TNRC6B: variants seen among roughly 807,000 people sequenced by gnomAD.
The protein encoded by TNRC6B is trinucleotide repeat-containing gene 6B protein.
TNRC6B carries 52 observed loss-of-function variants against 203.6 expected under a neutral mutation model. The ratio of observed to expected loss-of-function variants is 0.26; its 90% CI spans 0.20 to 0.32. TNRC6B has a LOEUF of 0.32. TNRC6B is among the 10% of genes least tolerant of loss of function. TNRC6B has a pLI of 1.00. For missense variants in TNRC6B, 1,923 were observed against 2,286.2 expected, an observed-to-expected ratio of 0.84 and a Z score of 3.24; for synonymous variants, 838 against 845.7, an observed-to-expected ratio of 0.99 and a Z score of 0.16.
intron 6 of TNRC6B, among the ~76,000 whole-genome samples, chr22:40,270,731 ATAAT>A (rs1295894695): frequency 2.6e-5 from 4 of 152,198 alleles, no homozygotes; most frequent in Non-Finnish European, 4.4e-5. Flanking sequence ...TGAGTGTTAA[ATAAT>A]TAGTTAATAG....
chr22:40,314,543 C>T (rs1355458932), intron 19 of TNRC6B, among the ~76,000 whole-genome samples: 1 of 152,196 alleles, frequency 6.6e-6, no homozygotes, highest in Admixed American at 6.5e-5. Flanking sequence ...TTGGTTTACA[C>T]ATTCCTGTTT....
rs1161573306 is a variant in TNRC6B, at chr22:40,178,031, A to G, written c.-105A>G. On this transcript the variant is annotated 5_prime_UTR_variant, in exon 1 of 23. The change creates a new upstream start codon in the 5' untranslated region. Transcript: ENST00000454349. ...CTGCTGGTTTCTGAATATTTAAAAT[A>G]CAAAAAAACAGATAGACAAAAAGAA... The G allele has an allele frequency of 2.1e-5, 33 of 1,573,182 alleles. No homozygotes were observed. The highest frequency in any genetic ancestry group is 2.8e-5 in the African/African-American group (2 of 72,408).
At chr22:40,219,667 G>A (rs367702728) in intron 1 of TNRC6B, among the ~76,000 whole-genome samples, 20 of 152,058 alleles carry the variant, frequency 1.3e-4, no homozygotes, top group African/African-American at 4.8e-4. Flanking sequence ...CCCATGTCTT[G>A]GGTCTGTCTT....
At chr22:40,267,708 T>C (rs1427018589) in intron 5 of TNRC6B, among the ~76,000 whole-genome samples, 1 of 152,078 alleles carries the variant, frequency 6.6e-6, no homozygotes, top group Non-Finnish European at 1.5e-5. Context: ...TCTACAAAAA[T>C]ATTTTTTAAA....
intron 19 of TNRC6B, among the ~76,000 whole-genome samples, chr22:40,313,704 G>A (rs529293227): frequency 6.6e-6 from 1 of 152,328 alleles, no homozygotes; most frequent in African/African-American, 2.4e-5. Context: ...CTACGAAGAC[G>A]CTGCAGGTTA....
intron 21 of TNRC6B, among the ~76,000 whole-genome samples, chr22:40,318,665 A>T (rs1241889586): frequency 6.6e-6 from 1 of 152,052 alleles, no homozygotes; most frequent in Non-Finnish European, 1.5e-5. Flanking sequence ...ATTTTCTAAG[A>T]GTTGTCACAC....
At chr22:40,188,699 G>GT (rs993920084) in intron 1 of TNRC6B, among the ~76,000 whole-genome samples, 2 of 152,164 alleles carry the variant, frequency 1.3e-5, no homozygotes, top group Admixed American at 1.3e-4. Flanking sequence ...ATAAACTGAA[G>GT]TTAGTTAGAT....
intron 1 of TNRC6B, among the ~76,000 whole-genome samples, chr22:40,097,748 G>A (rs1403675204): frequency 1.3e-4 from 19 of 141,342 alleles, no homozygotes; most frequent in African/African-American, 4.4e-4. Flanking sequence ...ATATATACAC[G>A]CAGATAATGT....
Position 40,264,944 on chromosome 22 carries a change from C to T in TNRC6B, c.714C>T (p.Asn238=). 6.2e-7 allele frequency: 1 copy of T among 1,613,892 alleles called. No individual in the cohort carries two copies. Among genetic ancestry groups the T allele is most frequent in the Middle Eastern group, 1.6e-4 (1 of 6,062 alleles). The stretch of plus-strand genomic sequence containing the variant: ...CTCTGCCAGGAAGCACCACTAGTAA[C>T]AAAGGAAAAGGGAGCCAGTGCCAGT... The part of the protein sequence containing the change: ...KSTLPGSTTS[N]KGKGSQCQSA... The change falls in exon 5 of 23, where the codon AAC becomes AAT. Residue 238 remains asparagine (N), a synonymous_variant. Transcript: ENST00000454349.
At position 40,317,475 on chromosome 22, in the gene TNRC6B, G is replaced by T. The variant is rs567520446; in HGVS notation, c.4974+1463G>T. On this transcript the variant is annotated intron_variant, in intron 21 of 22. Coordinates refer to ENST00000454349, the MANE Select transcript of TNRC6B (RefSeq NM_001162501.2). ...CGCCTGTAGTCCCAGCTACTCGGGA[G>T]GCTGAGGCAGGAGAATCACTTGAAC... Among the ~76,000 whole-genome samples the T allele has an allele frequency of 3.9e-5, 6 of 152,316 alleles. No homozygotes were observed. The South Asian group carries it at 1.2e-3, about 32-fold the overall frequency.
intron 1 of TNRC6B, among the ~76,000 whole-genome samples, chr22:40,101,367 T>C (rs2068239798): frequency 6.6e-6 from 1 of 152,164 alleles, no homozygotes; most frequent in African/African-American, 2.4e-5. Flanking sequence ...AACAGCACAT[T>C]GCCGGCGCCA....
Position 40,285,705 on chromosome 22 carries a change from G to C in TNRC6B, c.3643G>C (p.Val1215Leu). The change falls in exon 12 of 23, where the codon GTG becomes CTG. Residue 1215 changes from valine to leucine, a missense_variant. Transcript: ENST00000454349. ...ACAATCGAGAGGTCTGCACACACCC[G>C]TGCAGCCACTAAATTCTTCTCCCAG... Reference protein sequence around the residue: ...TAQSRGLHTPVQPLNSSPSLR... With the variant: ...TAQSRGLHTPLQPLNSSPSLR... 1 of 1,613,930 alleles carries C rather than the reference G, an allele frequency of 6.2e-7. No individual in the cohort carries two copies. Among genetic ancestry groups the C allele is most frequent in the Non-Finnish European group, 8.5e-7 (1 of 1,179,884 alleles).
At chr22:40,099,350 TG>T (rs1200046494) in intron 1 of TNRC6B, among the ~76,000 whole-genome samples, 1 of 152,240 alleles carries the variant, frequency 6.6e-6, no homozygotes, top group Non-Finnish European at 1.5e-5. Flanking sequence ...AAAAATCATT[TG>T]CTGAAATAAT....
chr22:40,268,081 TA>T, intron 5 of TNRC6B, among the ~76,000 whole-genome samples: 1 of 152,254 alleles, frequency 6.6e-6, no homozygotes, highest in East Asian at 1.9e-4. Flanking sequence ...TTAAAATTAA[TA>T]TTAAGAACCA....
At chr22:40,114,109 G>A (rs1201186779) in intron 1 of TNRC6B, among the ~76,000 whole-genome samples, 1 of 152,066 alleles carries the variant, frequency 6.6e-6, no homozygotes, top group Non-Finnish European at 1.5e-5. Flanking sequence ...TTTAAAATGA[G>A]AATTTAAATG....
rs142852482 is a variant in TNRC6B, at chr22:40,129,565, G to A, written c.45+3703G>A. Among the ~76,000 whole-genome samples the A allele has an allele frequency of 3.3e-3, 510 of 152,296 alleles. 1 individual carries two copies. Among genetic ancestry groups the A allele is most frequent in the Non-Finnish European group, 5.7e-3 (391 of 68,030 alleles). ...TCAAAAGGGGAATTTCAAGAGAAAGGCTCACTCAGTAACTTCAGATGCTGC... is the reference window on the plus strand; with the variant it reads ...TCAAAAGGGGAATTTCAAGAGAAAGACTCACTCAGTAACTTCAGATGCTGC... On this transcript the variant is annotated intron_variant, in intron 3 of 23. Transcript: ENST00000301923.
At chr22:40,166,066 G>C in intron 4 of TNRC6B, among the ~76,000 whole-genome samples, 1 of 152,148 alleles carries the variant, frequency 6.6e-6, no homozygotes, top group East Asian at 1.9e-4. Flanking sequence ...CTATTAGCCT[G>C]TCTATGCATA....
At chr22:40,147,937 A>G (rs1387401486) in intron 3 of TNRC6B, among the ~76,000 whole-genome samples, 2 of 152,218 alleles carry the variant, frequency 1.3e-5, no homozygotes, top group Non-Finnish European at 1.5e-5. Flanking sequence ...GAATGATGAA[A>G]AAGTTCTAAG....
rs774941914 is a variant in TNRC6B, at chr22:40,082,788, G to T, written c.-120-34267G>T. Among the ~76,000 whole-genome samples, 79 of 152,366 alleles carry T rather than the reference G, an allele frequency of 5.2e-4. 1 individual carries two copies. The highest frequency in any genetic ancestry group is 1.6e-3 in the Admixed American group (25 of 15,310). On this transcript the variant is annotated intron_variant, in intron 1 of 23. Transcript: ENST00000301923. ...TGTGGGACTTCCCGGTGGATTAGAAGTGGGAGTGGAGGAAGGCATAGAAAT... is the reference window on the plus strand; with the variant it reads ...TGTGGGACTTCCCGGTGGATTAGAATTGGGAGTGGAGGAAGGCATAGAAAT...
Sources: gnomAD v4.1 joint callset for allele counts (sites outside exome capture counted in the v4.1 genomes callset) on GRCh38, gnomAD v4.1.1 for gene constraint, MANE v1.5 for transcripts, NCBI Gene and HGNC (gene_info 2026-07-23, HGNC 2026-07-21) for gene names.